The following SPSB1 variants were observed in gnomAD, a reference collection of about 807,000 sequenced individuals.
SPSB1 encodes the protein splA/ryanodine receptor domain and SOCS box containing 1.
In SPSB1, 8 loss-of-function variants were observed where a neutral mutation model predicts 21.2. The ratio of observed to expected loss-of-function variants is 0.38; its 90% CI spans 0.22 to 0.68. The LOEUF is 0.68. Ranked by LOEUF, SPSB1 falls within the 30% of genes least tolerant of loss-of-function variation. The pLI is 0.53. For synonymous variants in SPSB1, 169 were observed against 161.7 expected (o/e 1.05, Z -0.34); for missense variants, 242 against 377.8 (o/e 0.64, Z 2.98).
At chr1:9,320,716 C>T (rs116824634) in intron 1 of SPSB1, among the ~76,000 whole-genome samples, 6 of 152,170 alleles carry the variant, frequency 3.9e-5, no homozygotes, top group Admixed American at 2.6e-4. Flanking sequence ...ACCCCGGGCT[C>T]GCCTCTCTCG....
rs1206230185 is a variant in SPSB1, at chr1:9,317,583, C to G, written c.-150+24512C>G. On this transcript the variant is annotated intron_variant, in intron 1 of 2. Transcript: ENST00000328089. This position sits in a 1 kb window ranked among gnomAD's most constrained non-coding sequence, Gnocchi z 4.3. ...CCTCCCAGGCTCGGGGATCCTCACA[C>G]CTCAGCCTCTTGAGTAGCTGGGACC... Among the ~76,000 whole-genome samples the G allele has an allele frequency of 1.3e-5, 2 of 152,128 alleles. No homozygotes were observed. The highest frequency in any genetic ancestry group is 4.1e-4 in the South Asian group (2 of 4,832).
Position 9,356,355 on chromosome 1 carries a change from A to G in SPSB1, c.464A>G (p.Asn155Ser). ...AACCGGCTCTACCACGATGGCAAGA[A>G]CCAGCCAAGCAAAACATACCCAGCC... The part of the protein sequence containing the change: ...GRNRLYHDGK[N>S]QPSKTYPAFL... The change falls in exon 2 of 3, where the codon AAC (asparagine) becomes AGC (serine). Residue 155 changes from asparagine to serine, a missense_variant. Transcript: ENST00000328089. The surrounding 1 kb of genome is among the most constrained non-coding windows in gnomAD (Gnocchi z 7.4). The G allele has an allele frequency of 1.2e-6, 2 of 1,614,056 alleles. No homozygotes were observed. The highest frequency in any genetic ancestry group is 8.5e-7 in the Non-Finnish European group (1 of 1,180,036).
intron 1 of SPSB1, among the ~76,000 whole-genome samples, chr1:9,327,584 G>A (rs1639837642): frequency 6.6e-6 from 1 of 152,094 alleles, no homozygotes; most frequent in African/African-American, 2.4e-5. Context: ...TTGGGGAGCA[G>A]CTGGCCACTC....
At position 9,317,438 on chromosome 1, in the gene SPSB1, G is replaced by A. The variant is rs1172976303; in HGVS notation, c.-150+24367G>A. Among the ~76,000 whole-genome samples, 2 of 152,116 alleles carry A rather than the reference G, an allele frequency of 1.3e-5. No homozygotes were observed. The highest frequency in any genetic ancestry group is 2.1e-4 in the South Asian group (1 of 4,824). On this transcript the variant is annotated intron_variant, in intron 1 of 2. Coordinates refer to ENST00000328089, the MANE Select transcript of SPSB1 (RefSeq NM_025106.4). This position sits in a 1 kb window ranked among gnomAD's most constrained non-coding sequence, Gnocchi z 4.3. ...AGGTATCTGGGAGAAGGGGTGTGGGGGCGTGTGGTAGAGATTTTCAGACCA... is the reference window on the plus strand; with the variant it reads ...AGGTATCTGGGAGAAGGGGTGTGGGAGCGTGTGGTAGAGATTTTCAGACCA...
chr1:9,323,985 A>C (rs1430266414), intron 1 of SPSB1, among the ~76,000 whole-genome samples: 1 of 152,086 alleles, frequency 6.6e-6, no homozygotes, highest in African/African-American at 2.4e-5. Context: ...GAGGTGGGCC[A>C]CTTGCAAGTG....
chr1:9,336,620 G>A lies in SPSB1; in HGVS notation c.-149-19123G>A, dbSNP rs375360131. 7.6e-4 allele frequency among the ~76,000 whole-genome samples: 116 copies of A among 152,346 alleles called. 3 individuals carry two copies. The South Asian group carries it at 0.023, about 30-fold the overall frequency. On this transcript the variant is annotated intron_variant, in intron 1 of 2. Coordinates refer to ENST00000328089, the MANE Select transcript of SPSB1 (RefSeq NM_025106.4). ...GCGTGCGTTCAAGGAAGAGTCTGGG[G>A]CAGAGGCAGGGGCAGGAGGCCGCTG...
At chr1:9,338,397 A>G (rs1341825214) in intron 1 of SPSB1, among the ~76,000 whole-genome samples, 1 of 152,142 alleles carries the variant, frequency 6.6e-6, no homozygotes, top group East Asian at 1.9e-4. Flanking sequence ...TGCCTAGGCT[A>G]TCCTGGCTGC....
intron 1 of SPSB1, among the ~76,000 whole-genome samples, chr1:9,316,628 G>A (rs1639620041): frequency 6.6e-6 from 1 of 152,184 alleles, no homozygotes; most frequent in Non-Finnish European, 1.5e-5. Flanking sequence ...CTACCTTAGA[G>A]CCCACCCGTT....
chr1:9,340,103 T>A (rs934716724), intron 1 of SPSB1, among the ~76,000 whole-genome samples: 2 of 152,146 alleles, frequency 1.3e-5, no homozygotes, highest in African/African-American at 4.8e-5. Context: ...TGGGTGATGG[T>A]CTGTGGGCCG....
chr1:9,369,302 T>C lies in SPSB1; in HGVS notation c.*1727T>C, dbSNP rs544566145. 3 of 152,232 alleles carry C rather than the reference T, an allele frequency of 2.0e-5. No individual in the cohort carries two copies. Among genetic ancestry groups the C allele is most frequent in the African/African-American group, 7.2e-5 (3 of 41,490 alleles). The allele number at this position is 152,232 out of a possible 1,614,324, so 9.4% of individuals were successfully genotyped here. A position where few individuals can be genotyped will look rare whatever the true frequency, so the allele number is the denominator to read the frequency against. On this transcript the variant is annotated 3_prime_UTR_variant, in exon 3 of 3. Transcript: ENST00000328089. ...GTCACATTCTGATGAATGTTTCCCT[T>C]GTACAGATCCCAGCTTATGGCCTTG...
chr1:9,309,795 C>T (rs1288282300), intron 1 of SPSB1, among the ~76,000 whole-genome samples: 2 of 152,150 alleles, frequency 1.3e-5, no homozygotes, highest in African/African-American at 2.4e-5. Context: ...TGAGCCAAGA[C>T]TGCACCATTG....
At position 9,321,072 on chromosome 1, in the gene SPSB1, G is replaced by T. The variant is rs193179236; in HGVS notation, c.-150+28001G>T. On this transcript the variant is annotated intron_variant, in intron 1 of 2. Transcript: ENST00000328089. The surrounding 1 kb of genome is among the most constrained non-coding windows in gnomAD (Gnocchi z 4.8). ...GGCAGCCGTGTAATTACAGGTACTG[G>T]AAATAGTCCTGTTTCCCTTTCAGCC... Among the ~76,000 whole-genome samples the T allele has an allele frequency of 1.1e-4, 16 of 152,296 alleles. No individual in the cohort carries two copies. Among genetic ancestry groups the T allele is most frequent in the African/African-American group, 3.9e-4 (16 of 41,558 alleles).
intron 1 of SPSB1, among the ~76,000 whole-genome samples, chr1:9,340,078 T>G (rs1350082453): frequency 6.6e-6 from 1 of 152,198 alleles, no homozygotes; most frequent in East Asian, 1.9e-4. Context: ...AGACTCTGCA[T>G]TTCCAGCAAG....
chr1:9,294,851 G>A (rs1639191625), intron 1 of SPSB1, among the ~76,000 whole-genome samples: 1 of 152,102 alleles, frequency 6.6e-6, no homozygotes, highest in Admixed American at 6.5e-5. Context: ...CCTCCCAGTG[G>A]TGGAAAGCCC....
chr1:9,300,181 C>G (rs1639305371), intron 1 of SPSB1, among the ~76,000 whole-genome samples: 1 of 152,122 alleles, frequency 6.6e-6, no homozygotes, highest in African/African-American at 2.4e-5. Context: ...GAAGGTATCC[C>G]CTCTAAGGTG....
intron 1 of SPSB1, among the ~76,000 whole-genome samples, chr1:9,332,658 C>T (rs533201232): frequency 3.3e-5 from 5 of 152,194 alleles, no homozygotes; most frequent in East Asian, 1.9e-4. Context: ...GAAGAACAGG[C>T]GGAGGAGCTG....
chr1:9,318,653 C>A (rs507656), intron 1 of SPSB1, among the ~76,000 whole-genome samples: 2 of 152,040 alleles, frequency 1.3e-5, no homozygotes, highest in Non-Finnish European at 2.9e-5. Context: ...AAAGCCAGAC[C>A]GTGTGGCTGG....
intron 1 of SPSB1, 166 bp from the exon 2 acceptor site, chr1:9,355,577 G>C: frequency 1.5e-6 from 1 of 679,670 alleles, no homozygotes; most frequent in East Asian, 5.4e-5. Context: ...GCCAGGGAAC[G>C]GGGGATTTCA....
chr1:9,322,940 A>G (rs1453283937), intron 1 of SPSB1, among the ~76,000 whole-genome samples: 1 of 143,398 alleles, frequency 7.0e-6, no homozygotes, highest in African/African-American at 2.6e-5. Flanking sequence ...CTGGGCTTGC[A>G]AGGAGGTTCC....
Sources: allele counts gnomAD v4.1 joint callset (sites outside exome capture counted in the v4.1 genomes callset), GRCh38; gene constraint gnomAD v4.1.1; non-coding constraint Gnocchi (gnomAD v3.1); transcripts MANE v1.5; gene names NCBI Gene and HGNC (gene_info 2026-07-23, HGNC 2026-07-21).